The following CAMKMT variants were observed in gnomAD, a reference collection of about 807,000 sequenced individuals.
CAMKMT encodes the protein calmodulin-lysine N-methyltransferase.
Under a neutral mutation model 48.0 loss-of-function variants are expected in CAMKMT, and 53 were observed. The ratio of observed to expected loss-of-function variants is 1.10; its 90% CI spans 0.89 to 1.39. The LOEUF is 1.39. CAMKMT is among the 40% of genes most tolerant of loss of function. The pLI is 0.00. For synonymous variants in CAMKMT, 165 were observed against 152.3 expected, an observed-to-expected ratio of 1.08 and a Z score of -0.61; for missense variants, 428 against 402.7, an observed-to-expected ratio of 1.06 and a Z score of -0.54.
intron 3 of CAMKMT, among the ~76,000 whole-genome samples, chr2:44,614,936 C>CTTTTTTTTTGTTTTTTTTTTTTTTTTT (rs1671792583): frequency 2.0e-5 from 1 of 48,990 alleles, no homozygotes; most frequent in African/African-American, 1.0e-4. Context: ...GGTCTCCTTG[C>CTTTTTTTTTGTTTTTTTTTTTTTTTTT]TTTTTTTTTT....
rs532319362 is a variant in CAMKMT, at chr2:44,376,845, T to C, written c.311+3957T>C. 1.7e-3 allele frequency among the ~76,000 whole-genome samples: 262 copies of C among 152,286 alleles called. 3 individuals are homozygous for C. Among genetic ancestry groups the C allele is most frequent in the African/African-American group, 6.0e-3 (251 of 41,572 alleles). On this transcript the variant is annotated intron_variant, in intron 2 of 10. Transcript: ENST00000378494. ...ATCTGAAGCTAAAGTTTAAACAATG[T>C]AAAAGTTAGGTTACAAAACTCCCAA...
chr2:44,707,331 C>G, intron 5 of CAMKMT, 68 bp from the exon 6 acceptor site: 1 of 1,390,580 alleles, frequency 7.2e-7, no homozygotes, highest in Admixed American at 1.7e-5. Context: ...GCTTGTCACT[C>G]CTGTCTTCAC....
chr2:44,590,339 T>A (rs1670183249), intron 3 of CAMKMT, among the ~76,000 whole-genome samples: 1 of 152,228 alleles, frequency 6.6e-6, no homozygotes. Flanking sequence ...ATTGGTGTTA[T>A]TTCTCCTTCA....
chr2:44,480,972 A>G (rs1013186272), intron 3 of CAMKMT, among the ~76,000 whole-genome samples: 6 of 152,040 alleles, frequency 3.9e-5, no homozygotes, highest in Non-Finnish European at 7.4e-5. Context: ...AATAGGAGAT[A>G]CATGCCTATA....
At chr2:44,583,074 T>C (rs137949055) in intron 3 of CAMKMT, among the ~76,000 whole-genome samples, 1 of 152,336 alleles carries the variant, frequency 6.6e-6, no homozygotes, top group East Asian at 1.9e-4. Context: ...ATTATTTGGG[T>C]ATTGATCCTA....
chr2:44,601,999 AATAT>A (rs1448086310), intron 3 of CAMKMT, among the ~76,000 whole-genome samples: 5 of 96,560 alleles, frequency 5.2e-5, no homozygotes, highest in Admixed American at 2.5e-4. Context: ...GCTTTTTAAA[AATAT>A]ATTTATTTAT....
At chr2:44,369,006 C>T (rs1678900139) in intron 1 of CAMKMT, among the ~76,000 whole-genome samples, 1 of 152,110 alleles carries the variant, frequency 6.6e-6, no homozygotes, top group South Asian at 2.1e-4. Context: ...GTGCCTCAGC[C>T]TCTCAAGAAC....
rs186616950 is a variant in CAMKMT, at chr2:44,581,772, G to A, written c.377-122511G>A. On this transcript the variant is annotated intron_variant, in intron 3 of 10. Transcript: ENST00000378494. ...TCCCAGCACTTTGGGAGGCTGAGGCGGGTGGATCACAAAGTCAGGAGTTCG... is the reference window on the plus strand; with the variant it reads ...TCCCAGCACTTTGGGAGGCTGAGGCAGGTGGATCACAAAGTCAGGAGTTCG... Among the ~76,000 whole-genome samples, 1,411 of 152,072 alleles carry A rather than the reference G, an allele frequency of 9.3e-3. 29 individuals carry two copies. Among genetic ancestry groups the A allele is most frequent in the African/African-American group, 0.032 (1,322 of 41,484 alleles).
intron 7 of CAMKMT, among the ~76,000 whole-genome samples, chr2:44,722,065 AGCATATATCAGG>A (rs1678495089): frequency 6.6e-6 from 1 of 152,164 alleles, no homozygotes; most frequent in South Asian, 2.1e-4. Flanking sequence ...ATTCATGTGT[AGCATATATCAGG>A]GCATTTGTCA....
intron 3 of CAMKMT, among the ~76,000 whole-genome samples, chr2:44,548,476 C>T (rs1667523451): frequency 6.6e-6 from 1 of 152,098 alleles, no homozygotes; most frequent in South Asian, 2.1e-4. Flanking sequence ...CCCAAGATTC[C>T]CGGCCCTGCT....
chr2:44,482,968 AG>A (rs1669045021), intron 3 of CAMKMT, among the ~76,000 whole-genome samples: 1 of 152,170 alleles, frequency 6.6e-6, no homozygotes, highest in Non-Finnish European at 1.5e-5. Flanking sequence ...TTTCTTATAA[AG>A]GCACCATCTG....
At chr2:44,726,032 T>G (rs1036499021) in intron 7 of CAMKMT, among the ~76,000 whole-genome samples, 8 of 152,172 alleles carry the variant, frequency 5.3e-5, no homozygotes, top group South Asian at 2.1e-4. Context: ...TTCACACATA[T>G]TTATATCCAT....
chr2:44,737,736 AG>A (rs1043449547), intron 7 of CAMKMT, among the ~76,000 whole-genome samples: 14 of 151,714 alleles, frequency 9.2e-5, no homozygotes, highest in African/African-American at 3.4e-4. Context: ...AGATCTCCAG[AG>A]TTCTCTCTCT....
At chr2:44,602,907 C>G (rs993061978) in intron 3 of CAMKMT, among the ~76,000 whole-genome samples, 1 of 151,896 alleles carries the variant, frequency 6.6e-6, no homozygotes, top group African/African-American at 2.4e-5. Flanking sequence ...ACATACCAGT[C>G]AAACTAGCTA....
At chr2:44,562,750 G>A (rs1427377075) in intron 3 of CAMKMT, among the ~76,000 whole-genome samples, 6 of 152,126 alleles carry the variant, frequency 3.9e-5, no homozygotes, top group South Asian at 4.1e-4. Flanking sequence ...TAGTAGAGAC[G>A]GGGTTTCAAC....
chr2:44,651,796 A>C (rs984265897), intron 3 of CAMKMT, among the ~76,000 whole-genome samples: 1 of 152,236 alleles, frequency 6.6e-6, no homozygotes, highest in Non-Finnish European at 1.5e-5. Context: ...ACTTACAATG[A>C]GTTTAAAATC....
At chr2:44,614,143 G>A (rs1572920791) in intron 3 of CAMKMT, among the ~76,000 whole-genome samples, 1 of 152,130 alleles carries the variant, frequency 6.6e-6, no homozygotes, top group African/African-American at 2.4e-5. Flanking sequence ...AGTTTCTTTT[G>A]AAAGGTTGTA....
chr2:44,735,557 C>T (rs1679309017), intron 7 of CAMKMT, among the ~76,000 whole-genome samples: 1 of 151,866 alleles, frequency 6.6e-6, no homozygotes, highest in African/African-American at 2.4e-5. Flanking sequence ...TAGTATGTAT[C>T]TTTAACTTAT....
chr2:44,612,635 A>C (rs1671662812), intron 3 of CAMKMT, among the ~76,000 whole-genome samples: 1 of 152,186 alleles, frequency 6.6e-6, no homozygotes, highest in African/African-American at 2.4e-5. Flanking sequence ...AGGTCCATGA[A>C]TAGAAAATGG....
Sources: allele counts gnomAD v4.1 joint callset (sites outside exome capture counted in the v4.1 genomes callset), GRCh38; gene constraint gnomAD v4.1.1; transcripts MANE v1.5; gene names NCBI Gene and HGNC (gene_info 2026-07-23, HGNC 2026-07-21).